Variants in CSMD1 observed in about 807,000 individuals in gnomAD.
The protein encoded by CSMD1 is CUB and Sushi multiple domains 1.
Under a neutral mutation model 417.5 loss-of-function variants are expected in CSMD1, and 213 were observed. The observed-to-expected ratio is 0.51, with a 90% CI of 0.46 to 0.57. CSMD1 has a LOEUF of 0.57. CSMD1 is among the 20% of genes least tolerant of loss of function. The pLI, the probability that CSMD1 is intolerant of heterozygous loss-of-function variation, is 0.00. For missense variants in CSMD1, 6,923 were observed against 4,529.7 expected, an observed-to-expected ratio of 1.53 and a Z score of -15.17; for synonymous variants, 2,862 against 1,736.8, an observed-to-expected ratio of 1.65 and a Z score of -16.11.
chr8:4,977,071 A>G (rs1042310925), intron 1 of CSMD1, among the ~76,000 whole-genome samples: 3 of 152,214 alleles, frequency 2.0e-5, no homozygotes, highest in Non-Finnish European at 4.4e-5. Flanking sequence ...TTTAGTATCA[A>G]CAGTTATATT....
intron 1 of CSMD1, among the ~76,000 whole-genome samples, chr8:4,808,506 C>A (rs1456298844): frequency 1.3e-5 from 2 of 152,170 alleles, no homozygotes; most frequent in African/African-American, 2.4e-5. Context: ...GAATAAAACA[C>A]ATCCTCTTGG....
intron 54 of CSMD1, among the ~76,000 whole-genome samples, chr8:2,982,222 G>A (rs1408012948): frequency 1.3e-5 from 2 of 152,132 alleles, no homozygotes; most frequent in Admixed American, 6.5e-5. Context: ...CAGGCATGGT[G>A]GCAGGGGCCT....
At chr8:4,629,984 T>A (rs1225971278) in intron 2 of CSMD1, among the ~76,000 whole-genome samples, 5 of 152,120 alleles carry the variant, frequency 3.3e-5, no homozygotes, top group Non-Finnish European at 1.5e-5. Flanking sequence ...CACACACCTG[T>A]ATTTACAAAT....
intron 12 of CSMD1, among the ~76,000 whole-genome samples, chr8:3,431,738 G>C (rs1358134164): frequency 2.0e-5 from 3 of 152,030 alleles, no homozygotes; most frequent in African/African-American, 4.8e-5. Context: ...CTTTACTTTT[G>C]CTCTATCTAC....
At chr8:3,805,349 A>C (rs1445273269) in intron 5 of CSMD1, among the ~76,000 whole-genome samples, 2 of 152,128 alleles carry the variant, frequency 1.3e-5, no homozygotes, top group Non-Finnish European at 2.9e-5. Flanking sequence ...TTTCCAGGAT[A>C]CCAGAATTAC....
At chr8:4,931,471 C>G (rs903380364) in intron 1 of CSMD1, among the ~76,000 whole-genome samples, 1 of 152,174 alleles carries the variant, frequency 6.6e-6, no homozygotes, top group Non-Finnish European at 1.5e-5. Context: ...CACCGTCTGT[C>G]CCAGCAATCA....
intron 5 of CSMD1, among the ~76,000 whole-genome samples, chr8:3,835,796 G>A (rs1452566026): frequency 6.6e-6 from 1 of 151,624 alleles, no homozygotes; most frequent in Non-Finnish European, 1.5e-5. Context: ...GATTGTGTGA[G>A]TTCCTAAGAG....
intron 4 of CSMD1, among the ~76,000 whole-genome samples, chr8:4,015,335 C>T (rs545954363): frequency 6.6e-6 from 1 of 152,270 alleles, no homozygotes; most frequent in African/African-American, 2.4e-5. Flanking sequence ...TCCTTCTCCC[C>T]TCTGGCTATG....
chr8:3,912,217 G>A (rs1297394489), intron 5 of CSMD1, among the ~76,000 whole-genome samples: 2 of 151,956 alleles, frequency 1.3e-5, no homozygotes, highest in African/African-American at 2.4e-5. Context: ...ACTCTGATTC[G>A]ACATACTTCT....
At position 4,705,839 on chromosome 8, in the gene CSMD1, C is replaced by A. The variant is rs570541948; in HGVS notation, c.86-68281G>T. ...AGATTATTCTATGAGCCAGCTGCAT[C>A]TGAGTGTCCTGGGGGCACTTTAAAA... is the stretch of plus-strand genomic sequence containing the variant. On this transcript the variant is annotated intron_variant, in intron 1 of 69. Coordinates refer to ENST00000635120, the MANE Select transcript of CSMD1 (RefSeq NM_033225.6). 7.2e-5 allele frequency among the ~76,000 whole-genome samples: 11 copies of A among 152,218 alleles called. No individual in the cohort carries two copies. In the South Asian group the frequency reaches 2.3e-3, roughly 32 times the overall value.
intron 5 of CSMD1, among the ~76,000 whole-genome samples, chr8:3,849,029 A>C (rs76314745): frequency 0.026 from 3,902 of 152,090 alleles, 143 homozygotes; most frequent in African/African-American, 0.088. Context: ...GCTCATATAA[A>C]CTTAAACTTA....
At position 3,827,194 on chromosome 8, in the gene CSMD1, T is replaced by C. The variant is rs116916206; in HGVS notation, c.819-73152A>G. Reference sequence around the variant, plus strand: ...TATGTTCTTGAGGTATTACATATTCTCCCAAAGAGTAGGGACAAACTTGTC... The same window carrying C: ...TATGTTCTTGAGGTATTACATATTCCCCCAAAGAGTAGGGACAAACTTGTC... On this transcript the variant is annotated intron_variant, in intron 5 of 69. Coordinates refer to ENST00000635120, the MANE Select transcript of CSMD1 (RefSeq NM_033225.6). Among the ~76,000 whole-genome samples the C allele has an allele frequency of 2.8e-3, 427 of 152,314 alleles. 3 individuals carry two copies. Among genetic ancestry groups the C allele is most frequent in the South Asian group, 0.012 (56 of 4,826 alleles).
At chr8:4,608,540 C>G (rs1157780101) in intron 2 of CSMD1, among the ~76,000 whole-genome samples, 2 of 152,204 alleles carry the variant, frequency 1.3e-5, no homozygotes, top group East Asian at 3.9e-4. Context: ...GACGCCAGTA[C>G]TGTCATTAAC....
chr8:4,969,837 T>A (rs1810123249), intron 1 of CSMD1, among the ~76,000 whole-genome samples: 1 of 152,060 alleles, frequency 6.6e-6, no homozygotes, highest in African/African-American at 2.4e-5. Flanking sequence ...TAGTGAATTT[T>A]CTCTCTCTTT....
chr8:4,121,299 G>A (rs1479219290), intron 3 of CSMD1, among the ~76,000 whole-genome samples: 1 of 151,890 alleles, frequency 6.6e-6, no homozygotes, highest in African/African-American at 2.4e-5. Context: ...ATTTTTAGTA[G>A]AGACACCGTT....
chr8:4,517,206 A>G (rs1039313898), intron 2 of CSMD1, among the ~76,000 whole-genome samples: 2 of 152,220 alleles, frequency 1.3e-5, no homozygotes, highest in African/African-American at 4.8e-5. Context: ...AGACATAATG[A>G]TATCATATTA....
chr8:4,011,091 C>G (rs185182108), intron 4 of CSMD1, among the ~76,000 whole-genome samples: 1 of 152,166 alleles, frequency 6.6e-6, no homozygotes, highest in Non-Finnish European at 1.5e-5. Context: ...TTCCATTTCA[C>G]AAAGAAAATA....
In CSMD1 at chr8:3,607,298, T is replaced by A. The variant is rs537198209; in HGVS notation, c.1097+9412A>T. Among the ~76,000 whole-genome samples the A allele has an allele frequency of 1.7e-3, 256 of 152,294 alleles. 1 individual carries two copies. Among genetic ancestry groups the A allele is most frequent in the Middle Eastern group, 3.4e-3 (1 of 294 alleles). On this transcript the variant is annotated intron_variant, in intron 8 of 69. Coordinates refer to ENST00000635120, the MANE Select transcript of CSMD1 (RefSeq NM_033225.6). Reference sequence around the variant, plus strand: ...GCAAGGACACACATAAATGAAGCTGTCATGTCCAATGATCACAATTCCTTC... The same window carrying A: ...GCAAGGACACACATAAATGAAGCTGACATGTCCAATGATCACAATTCCTTC...
At chr8:4,894,240 T>C (rs1804324701) in intron 1 of CSMD1, among the ~76,000 whole-genome samples, 2 of 152,140 alleles carry the variant, frequency 1.3e-5, no homozygotes, top group Non-Finnish European at 2.9e-5. Flanking sequence ...ATTTGAAGAA[T>C]AAGCTTTGAT....
Sources: gnomAD v4.1 joint callset for allele counts (sites outside exome capture counted in the v4.1 genomes callset) on GRCh38, gnomAD v4.1.1 for gene constraint, MANE v1.5 for transcripts, NCBI Gene and HGNC (gene_info 2026-07-23, HGNC 2026-07-21) for gene names.